KCNQ1: variants seen among roughly 807,000 people sequenced by gnomAD.
KCNQ1 encodes potassium voltage-gated channel subfamily KQT member 1.
Under a neutral mutation model 72.4 loss-of-function variants are expected in KCNQ1, and 49 were observed. That is an observed-to-expected ratio of 0.68 (90% CI 0.54 to 0.86). The LOEUF (loss-of-function observed/expected upper bound fraction) is 0.86. KCNQ1 is among the 40% of genes least tolerant of loss of function. The pLI, the probability that KCNQ1 is intolerant of heterozygous loss-of-function variation, is 0.00. For missense variants in KCNQ1, 790 were observed against 945.1 expected (o/e 0.84, Z 2.15); for synonymous variants, 450 against 412.6 (o/e 1.09, Z -1.10).
chr11:2,481,046 TAGAAG>T lies in KCNQ1; in HGVS notation c.386+35567_386+35571del, dbSNP rs1399412272. 1.3e-5 allele frequency among the ~76,000 whole-genome samples: 2 copies of T among 152,188 alleles called. No homozygotes were observed. The highest frequency in any genetic ancestry group is 2.4e-5 in the African/African-American group (1 of 41,438). The stretch of plus-strand genomic sequence containing the variant: ...AAATGAAATCATATAAATCGAAAGT[TAGAAG>T]AGAATTACCACATCATGTTGGATTT... On this transcript the variant is annotated intron_variant, in intron 1 of 15. Transcript: ENST00000155840. The surrounding 1 kb of genome is among the most constrained non-coding windows in gnomAD (Gnocchi z 4.6).
chr11:2,512,921 G>T (rs1400164293), intron 1 of KCNQ1, among the ~76,000 whole-genome samples: 2 of 152,210 alleles, frequency 1.3e-5, no homozygotes, highest in East Asian at 3.9e-4. Flanking sequence ...CAGGGTCTTG[G>T]GGAGCAGATG....
Position 2,541,089 on chromosome 11 carries a change from ATGCACACG to A in KCNQ1, c.477+13087_477+13094del, listed in dbSNP as rs368416827. Among the ~76,000 whole-genome samples, 155 of 152,352 alleles carry A rather than the reference ATGCACACG, an allele frequency of 1.0e-3. 1 individual carries two copies. The highest frequency in any genetic ancestry group is 3.4e-3 in the Middle Eastern group (1 of 294). ...CGTTCAGGCTCAGACACGTGCCTGC[ATGCACACG>A]TGCACACGTGCACACCCAGCCCTGG... On this transcript the variant is annotated intron_variant, in intron 2 of 15. Transcript: ENST00000155840. This position sits in a 1 kb window ranked among gnomAD's most constrained non-coding sequence, Gnocchi z 4.8.
At chr11:2,799,089 G>A (rs1168080639) in intron 15 of KCNQ1, among the ~76,000 whole-genome samples, 4 of 152,360 alleles carry the variant, frequency 2.6e-5, no homozygotes, top group African/African-American at 9.6e-5. Flanking sequence ...TGGGTAACTA[G>A]GAAGAGGACA....
rs909985210 is a variant in KCNQ1, at chr11:2,624,009, G to A, written c.1393+35155G>A. 1 of 399,134 alleles carries A rather than the reference G, an allele frequency of 2.5e-6. No homozygotes were observed. Among genetic ancestry groups the A allele is most frequent in the Non-Finnish European group, 4.4e-6 (1 of 226,488 alleles). The allele number at this position is 399,134 out of a possible 1,614,324, so 24.7% of individuals were successfully genotyped here. The stretch of plus-strand genomic sequence containing the variant: ...CCCATTAATGGTATATGTCAAAGTG[G>A]CTGTACCATTTTGCATTCCCACCAG... On this transcript the variant is annotated intron_variant, in intron 10 of 15. Transcript: ENST00000155840. The surrounding 1 kb of genome is among the most constrained non-coding windows in gnomAD (Gnocchi z 4.9).
chr11:2,775,637 C>A (rs1157811452), intron 12 of KCNQ1, among the ~76,000 whole-genome samples: 1 of 152,168 alleles, frequency 6.6e-6, no homozygotes, highest in Non-Finnish European at 1.5e-5. Context: ...CTTCCTGAAG[C>A]CATTGAGAAC....
rs1335134933 is a variant in KCNQ1, at chr11:2,734,567, A to G, written c.1515-34277A>G. 2.6e-5 allele frequency among the ~76,000 whole-genome samples: 4 copies of G among 151,516 alleles called. No individual in the cohort carries two copies. Among genetic ancestry groups the G allele is most frequent in the Non-Finnish European group, 4.4e-5 (3 of 67,970 alleles). ...GAGCGGGGCTGTCGAGGCTGATCTCAGGATGCTTGCTGCGGCTGCTGGGTG... is the reference window on the plus strand; with the variant it reads ...GAGCGGGGCTGTCGAGGCTGATCTCGGGATGCTTGCTGCGGCTGCTGGGTG... On this transcript the variant is annotated intron_variant, in intron 11 of 15. Transcript: ENST00000155840. This position sits in a 1 kb window ranked among gnomAD's most constrained non-coding sequence, Gnocchi z 7.0.
chr11:2,839,373 C>T (rs979688306), intron 15 of KCNQ1, among the ~76,000 whole-genome samples: 6 of 152,240 alleles, frequency 3.9e-5, no homozygotes, highest in African/African-American at 9.6e-5. Flanking sequence ...CATGAATGTC[C>T]GCACGGAGCA....
intron 10 of KCNQ1, chr11:2,637,085 G>C (rs535801539): frequency 6.6e-6 from 1 of 151,810 alleles, no homozygotes; most frequent in African/African-American, 2.4e-5. Context: ...TTCTTTATTA[G>C]TCTTGCTAGA....
At position 2,830,650 on chromosome 11, in the gene KCNQ1, G is replaced by A. The variant is rs1421416284; in HGVS notation, c.1795-17117G>A. Among the ~76,000 whole-genome samples, 1 of 152,100 alleles carries A rather than the reference G, an allele frequency of 6.6e-6. No individual in the cohort carries two copies. Among genetic ancestry groups the A allele is most frequent in the African/African-American group, 2.4e-5 (1 of 41,424 alleles). On this transcript the variant is annotated intron_variant, in intron 15 of 15. Transcript: ENST00000155840. This position sits in a 1 kb window ranked among gnomAD's most constrained non-coding sequence, Gnocchi z 7.7. ...GGCCAGCCCAGGACCTCCTTCCTGGGTGGAGACCTTCCCACCCTTCCACTC... is the reference window on the plus strand; with the variant it reads ...GGCCAGCCCAGGACCTCCTTCCTGGATGGAGACCTTCCCACCCTTCCACTC...
At chr11:2,644,926 C>A (rs1264396242) in intron 10 of KCNQ1, 1 of 398,612 alleles carries the variant, frequency 2.5e-6, no homozygotes, top group Admixed American at 4.4e-5. Context: ...AGTCCTCAGG[C>A]CCCAGTGGCA....
chr11:2,469,766 C>T lies in KCNQ1; in HGVS notation c.386+24282C>T, dbSNP rs573885558. 8.5e-5 allele frequency among the ~76,000 whole-genome samples: 13 copies of T among 152,230 alleles called. No homozygotes were observed. The South Asian group carries it at 1.0e-3, about 12-fold the overall frequency. ...TCGGCTCACTGCAAGCTCCGCCTTC[C>T]GGGTTCATGCCATTCTCCTGCCTCA... On this transcript the variant is annotated intron_variant, in intron 1 of 15. Coordinates refer to ENST00000155840, the MANE Select transcript of KCNQ1 (RefSeq NM_000218.3).
At chr11:2,697,259 C>G (rs1850692933) in intron 11 of KCNQ1, 1 of 398,396 alleles carries the variant, frequency 2.5e-6, no homozygotes, top group Non-Finnish European at 4.4e-6. Flanking sequence ...TTGGGGGTTT[C>G]AATAACTTTT....
intron 15 of KCNQ1, among the ~76,000 whole-genome samples, chr11:2,798,711 G>A (rs542579411): frequency 2.6e-4 from 39 of 152,304 alleles, no homozygotes; most frequent in Non-Finnish European, 4.6e-4. Context: ...CCCTTGCAGC[G>A]AGACAAATGT....
rs140887991 is a variant in KCNQ1, at chr11:2,800,762, G to GGA, written c.1794+22728_1794+22729dup. 3.2e-3 allele frequency among the ~76,000 whole-genome samples: 491 copies of GGA among 152,350 alleles called. 3 individuals are homozygous for GGA. The highest frequency in any genetic ancestry group is 0.011 in the African/African-American group (452 of 41,574). Reference sequence around the variant, plus strand: ...ATGGGGACATGCTTGCGGGGGTTCAGGAGATCCCCATTGAGCACGGAGAAG... The same window carrying GGA: ...ATGGGGACATGCTTGCGGGGGTTCAGGAGAGATCCCCATTGAGCACGGAGAAG... On this transcript the variant is annotated intron_variant, in intron 15 of 15. Transcript: ENST00000155840.
rs1007111199 is a variant in KCNQ1 at position 2,549,631 on chromosome 11, G to C, written c.478-20997G>C. 6.6e-6 allele frequency among the ~76,000 whole-genome samples: 1 copy of C among 152,018 alleles called. No individual in the cohort carries two copies. The highest frequency in any genetic ancestry group is 2.4e-5 in the African/African-American group (1 of 41,374). ...GACTGCTCTGCGAGGCCCGGGGTAG[G>C]GGCGTGGGGGGGCCTCCTCCTCCCA... On this transcript the variant is annotated intron_variant, in intron 2 of 15. Coordinates refer to ENST00000155840, the MANE Select transcript of KCNQ1 (RefSeq NM_000218.3). This position sits in a 1 kb window ranked among gnomAD's most constrained non-coding sequence, Gnocchi z 6.2.
chr11:2,641,127 A>C (rs1849569758), intron 10 of KCNQ1: 1 of 398,500 alleles, frequency 2.5e-6, no homozygotes, highest in Non-Finnish European at 4.4e-6. Flanking sequence ...TGCAATAAAC[A>C]CGGGGATGCA....
At chr11:2,672,691 G>A in intron 11 of KCNQ1, 1 of 398,836 alleles carries the variant, frequency 2.5e-6, no homozygotes, top group Non-Finnish European at 4.4e-6. Context: ...ACAGCCAGCT[G>A]ATGGCAGAGC....
chr11:2,749,649 A>AT (rs1165773389), intron 11 of KCNQ1, among the ~76,000 whole-genome samples: 18,525 of 141,040 alleles, frequency 0.13, 1,493 homozygotes, highest in East Asian at 0.27. Flanking sequence ...TACAAAAAAA[A>AT]AAAAAAAAAA....
In KCNQ1 at chr11:2,565,724, T is replaced by C. The variant is rs575218640; in HGVS notation, c.478-4904T>C. ...CATACAGTCGAACGAGTGGGTCCGATGTGGAGTGCAGTGGCATCAGCCAAG... is the reference window on the plus strand; with the variant it reads ...CATACAGTCGAACGAGTGGGTCCGACGTGGAGTGCAGTGGCATCAGCCAAG... On this transcript the variant is annotated intron_variant, in intron 2 of 15. Transcript: ENST00000155840. The surrounding 1 kb of genome is among the most constrained non-coding windows in gnomAD (Gnocchi z 5.6). Among the ~76,000 whole-genome samples, 11 of 152,310 alleles carry C rather than the reference T, an allele frequency of 7.2e-5. No homozygotes were observed. The South Asian group carries it at 8.3e-4, about 11-fold the overall frequency.
Sources: gnomAD v4.1 joint callset for allele counts (sites outside exome capture counted in the v4.1 genomes callset) on GRCh38, gnomAD v4.1.1 for gene constraint, Gnocchi (gnomAD v3.1) non-coding constraint, MANE v1.5 for transcripts, NCBI Gene and HGNC (gene_info 2026-07-23, HGNC 2026-07-21) for gene names.